VAC14: variants seen among roughly 807,000 people sequenced by gnomAD.
The protein encoded by VAC14 is protein VAC14 homolog.
A neutral mutation model predicts 85.3 loss-of-function variants in VAC14; 47 were observed. That is an observed-to-expected ratio of 0.55 (90% CI 0.44 to 0.70). VAC14 has a LOEUF of 0.70. VAC14 is among the 30% of genes least tolerant of loss of function. The probability of loss-of-function intolerance (pLI) is 0.00; values close to 1 mark genes in which losing one functional copy is unlikely to be tolerated. For missense variants in VAC14, 861 were observed against 1,004.3 expected, an observed-to-expected ratio of 0.86 and a Z score of 1.93; for synonymous variants, 447 against 430.5, an observed-to-expected ratio of 1.04 and a Z score of -0.47.
At position 70,783,426 on chromosome 16, in the gene VAC14, T is replaced by C. The variant is rs1417477039; in HGVS notation, c.704+19A>G. The C allele has an allele frequency of 6.2e-7, 1 of 1,612,854 alleles. No homozygotes were observed. The highest frequency in any genetic ancestry group is 1.7e-5 in the Admixed American group (1 of 60,022). ...GGGGTGGCAGGAGGCAGCAGCTTCC[T>C]GCCCCTTACTCCACTCACATTTTGC... is the stretch of plus-strand genomic sequence containing the variant. On this transcript the variant is annotated intron_variant, in intron 6 of 18. Coordinates refer to ENST00000261776, the MANE Select transcript of VAC14 (RefSeq NM_018052.5).
intron 14 of VAC14, among the ~76,000 whole-genome samples, chr16:70,719,271 C>T (rs1383120145): frequency 6.6e-6 from 1 of 152,222 alleles, no homozygotes; most frequent in Non-Finnish European, 1.5e-5. Context: ...GAACAATCAT[C>T]ACTCAGAAAC....
At chr16:70,743,745 G>C (rs974466459) in intron 13 of VAC14, among the ~76,000 whole-genome samples, 2 of 152,214 alleles carry the variant, frequency 1.3e-5, no homozygotes, top group African/African-American at 4.8e-5. Context: ...GATGTCCAGA[G>C]GGGCGCAATG....
intron 13 of VAC14, among the ~76,000 whole-genome samples, chr16:70,736,444 T>C (rs1355704141): frequency 2.0e-5 from 3 of 152,112 alleles, no homozygotes. Flanking sequence ...CAGTGCTCTA[T>C]CAGGATGCTC....
intron 14 of VAC14, among the ~76,000 whole-genome samples, chr16:70,721,571 G>C (rs1338937359): frequency 6.6e-6 from 1 of 152,158 alleles, no homozygotes; most frequent in Non-Finnish European, 1.5e-5. Context: ...GCGACCCCAT[G>C]GGAGGGCCCG....
At chr16:70,726,799 A>C (rs2054441612) in intron 14 of VAC14, among the ~76,000 whole-genome samples, 1 of 152,172 alleles carries the variant, frequency 6.6e-6, no homozygotes, top group African/African-American at 2.4e-5. Flanking sequence ...GCTGGCTAAA[A>C]AATGAAGGTT....
Position 70,762,951 on chromosome 16 carries a change from G to A in VAC14, c.1235C>T (p.Ala412Val). The change falls in exon 11 of 19, where the codon GCC (alanine) becomes GTC (valine). Residue 412 changes from alanine (A) to valine (V), a missense_variant. By Grantham distance (64) the Ala-to-Val change is moderately conservative (BLOSUM62 0). Transcript: ENST00000261776. This position sits in a 1 kb window ranked among gnomAD's most constrained non-coding sequence, Gnocchi z 4.1. ...TGCAATCCTGGTCATCATCCCAATG[G>A]CCGTGTCACTGAGGTGGCAGTTTAG... is the stretch of plus-strand genomic sequence containing the variant. ...QVLNCHLSDTAIGMMTRIAVL... is the reference protein window; with the variant it reads ...QVLNCHLSDTVIGMMTRIAVL... The A allele has an allele frequency of 6.2e-7, 1 of 1,614,192 alleles. No individual in the cohort carries two copies. Among genetic ancestry groups the A allele is most frequent in the Non-Finnish European group, 8.5e-7 (1 of 1,180,040 alleles).
At chr16:70,724,857 C>T (rs1207898119) in intron 14 of VAC14, among the ~76,000 whole-genome samples, 1 of 152,236 alleles carries the variant, frequency 6.6e-6, no homozygotes, top group Non-Finnish European at 1.5e-5. Flanking sequence ...GTCTCCCTCC[C>T]CTCAGCTGGG....
At chr16:70,766,907 G>A (rs1056113675) in intron 10 of VAC14, among the ~76,000 whole-genome samples, 7 of 152,154 alleles carry the variant, frequency 4.6e-5, no homozygotes, top group African/African-American at 1.7e-4. Context: ...AGGGCACACT[G>A]CATGATGTGC....
intron 9 of VAC14, among the ~76,000 whole-genome samples, chr16:70,777,900 T>A (rs998909941): frequency 1.3e-5 from 2 of 152,204 alleles, no homozygotes; most frequent in Non-Finnish European, 2.9e-5. Context: ...GTGATGAACT[T>A]GTCCCTGACC....
chr16:70,777,876 G>A lies in VAC14; in HGVS notation c.1096+2914C>T, dbSNP rs2033602002. On this transcript the variant is annotated intron_variant, in intron 9 of 18. Coordinates refer to ENST00000261776, the MANE Select transcript of VAC14 (RefSeq NM_018052.5). ...ACAGAGGGAGCAGAGAGGGAAGAGT[G>A]AGCAGGAGAGGCTGTGATGAACTTG... 2.0e-5 allele frequency among the ~76,000 whole-genome samples: 3 copies of A among 152,214 alleles called. 1 individual carries two copies. The highest frequency in any genetic ancestry group is 6.5e-5 in the Admixed American group (1 of 15,284).
chr16:70,764,754 G>A (rs564335825), intron 10 of VAC14, among the ~76,000 whole-genome samples: 41 of 152,218 alleles, frequency 2.7e-4, no homozygotes, highest in African/African-American at 9.4e-4. Flanking sequence ...GCATTTCACC[G>A]TTACGGTGCA....
chr16:70,782,026 C>T lies in VAC14; in HGVS notation c.812-23G>A, dbSNP rs117267381. 9.0e-3 allele frequency: 14,422 copies of T among 1,610,476 alleles called. 77 individuals carry two copies. The highest frequency in any genetic ancestry group is 0.011 in the Non-Finnish European group (13,180 of 1,177,596). On this transcript the variant is annotated intron_variant, in intron 7 of 18. Coordinates refer to ENST00000261776, the MANE Select transcript of VAC14 (RefSeq NM_018052.5). ...CATCTGGAAGGGGAATCAGGGGGTTCAGAGGGGCCAGCACACGCAGCCCGA... is the reference window on the plus strand; with the variant it reads ...CATCTGGAAGGGGAATCAGGGGGTTTAGAGGGGCCAGCACACGCAGCCCGA...
At chr16:70,723,505 C>A (rs923955983) in intron 14 of VAC14, among the ~76,000 whole-genome samples, 1 of 152,192 alleles carries the variant, frequency 6.6e-6, no homozygotes, top group Non-Finnish European at 1.5e-5. Context: ...TACACATTAG[C>A]TACTTGTTAA....
At chr16:70,688,413 C>G in intron 18 of VAC14, 2 of 1,020,720 alleles carry the variant, frequency 2.0e-6, no homozygotes, top group Non-Finnish European at 2.3e-6. Context: ...GGGGTGAAAG[C>G]CAGGGCTAGC....
In VAC14 at chr16:70,692,727, C is replaced by T. The variant is rs2053622358; in HGVS notation, c.2186+94G>A. 9 of 1,505,902 alleles carry T rather than the reference C, an allele frequency of 6.0e-6. No individual in the cohort carries two copies. The South Asian group carries it at 9.8e-5, about 16-fold the overall frequency. 93.3% of individuals were successfully genotyped at this position (1,505,902 alleles called of 1,614,324 possible). A position where few individuals can be genotyped will look rare whatever the true frequency, so the allele number is the denominator to read the frequency against. On this transcript the variant is annotated intron_variant, in intron 18 of 18. Transcript: ENST00000261776. The stretch of plus-strand genomic sequence containing the variant: ...GGTGGGATGCTGAAGTGAGGGAGGC[C>T]TCAGCAGCCCCTGGCAAGGCCCTTC...
At position 70,795,977 on chromosome 16, in the gene VAC14, C is replaced by G. The variant is rs547328530; in HGVS notation, c.104+4820G>C. The stretch of plus-strand genomic sequence containing the variant: ...AGAGTGCCTGCTAGCATTTCTCCCC[C>G]ACATTAGACTCTTCTGGGAAGACAG... On this transcript the variant is annotated intron_variant, in intron 1 of 18. Coordinates refer to ENST00000261776, the MANE Select transcript of VAC14 (RefSeq NM_018052.5). Among the ~76,000 whole-genome samples, 4 of 152,182 alleles carry G rather than the reference C, an allele frequency of 2.6e-5. No individual in the cohort carries two copies. The East Asian group carries it at 5.8e-4, about 22-fold the overall frequency.
At position 70,784,856 on chromosome 16, in the gene VAC14, A is replaced by C. The variant is rs2271047; in HGVS notation, c.424-18T>G. ...GCTGCCAGCTGCAAGAGGCACAGAC[A>C]GGGGAGGGACACAGAGGCGAGGGTC... is the stretch of plus-strand genomic sequence containing the variant. On this transcript the variant is annotated intron_variant, in intron 3 of 18. Coordinates refer to ENST00000261776, the MANE Select transcript of VAC14 (RefSeq NM_018052.5). The C allele has an allele frequency of 1.9e-6, 3 of 1,612,704 alleles. No individual in the cohort carries two copies. Among genetic ancestry groups the C allele is most frequent in the African/African-American group, 1.3e-5 (1 of 74,826 alleles).
intron 12 of VAC14, chr16:70,747,634 G>C (rs1022600664): frequency 6.6e-6 from 1 of 152,098 alleles, no homozygotes; most frequent in Non-Finnish European, 1.5e-5. Flanking sequence ...GGGAGAGGAG[G>C]AGCACGGTGA....
intron 10 of VAC14, 65 bp downstream of exon 10, chr16:70,772,044 C>T (rs1170855324): frequency 5.3e-6 from 8 of 1,495,768 alleles, no homozygotes; most frequent in South Asian, 2.3e-5. Context: ...TGTAGTCTCC[C>T]GCATCCAGGA....
Sources: gnomAD v4.1 joint callset for allele counts (sites outside exome capture counted in the v4.1 genomes callset) on GRCh38, gnomAD v4.1.1 for gene constraint, Gnocchi (gnomAD v3.1) non-coding constraint, MANE v1.5 for transcripts, NCBI Gene and HGNC (gene_info 2026-07-23, HGNC 2026-07-21) for gene names.